PHLDB2: variants seen among roughly 807,000 people sequenced by gnomAD.
PHLDB2 encodes the protein pleckstrin homology like domain family B member 2.
A neutral mutation model predicts 123.6 loss-of-function variants in PHLDB2; 71 were observed. That is an observed-to-expected ratio of 0.57 (90% CI 0.47 to 0.70). The LOEUF is 0.70. PHLDB2 is among the 30% of genes least tolerant of loss of function. The pLI is 0.00. For missense variants in PHLDB2, 1,446 were observed against 1,519.5 expected (o/e 0.95, Z 0.80); for synonymous variants, 547 against 541.6 (o/e 1.01, Z -0.14).
intron 1 of PHLDB2, among the ~76,000 whole-genome samples, chr3:111,873,068 C>G (rs990210532): frequency 6.6e-6 from 1 of 152,186 alleles, no homozygotes; most frequent in Admixed American, 6.5e-5. Flanking sequence ...TCCCAGTCTT[C>G]TGTAACTTTC....
At chr3:111,971,261 C>T (rs2072157735) in intron 16 of PHLDB2, among the ~76,000 whole-genome samples, 1 of 152,150 alleles carries the variant, frequency 6.6e-6, no homozygotes, top group South Asian at 2.1e-4. Flanking sequence ...AAGAACTTCA[C>T]ACAAAACTGC....
At chr3:111,958,178 T>G in intron 12 of PHLDB2, 1 of 785,844 alleles carries the variant, frequency 1.3e-6, no homozygotes, top group Non-Finnish European at 1.5e-6. Flanking sequence ...TTGTCATCCT[T>G]TTTGATCTTG....
At position 111,859,594 on chromosome 3, in the gene PHLDB2, G is replaced by A; in HGVS notation, c.-15+18G>A. 1.0e-6 allele frequency: 1 copy of A among 985,536 alleles called. No homozygotes were observed. The highest frequency in any genetic ancestry group is 1.2e-6 in the Non-Finnish European group (1 of 830,014). The allele number at this position is 985,536 out of a possible 1,614,324, so 61.0% of individuals were successfully genotyped here. A position where few individuals can be genotyped will look rare whatever the true frequency, so the allele number is the denominator to read the frequency against. On this transcript the variant is annotated intron_variant, in intron 1 of 17. Coordinates refer to ENST00000431670, the MANE Select transcript of PHLDB2 (RefSeq NM_001134438.2). ...ATGGCCAGGTGAGGAGGCGGCGGTG[G>A]TCGCCCGGGAGGAGGGGGTGGTGCC...
intron 9 of PHLDB2, among the ~76,000 whole-genome samples, chr3:111,946,124 C>T (rs1165055260): frequency 1.3e-5 from 2 of 152,026 alleles, no homozygotes; most frequent in African/African-American, 4.8e-5. Context: ...TGGGTTCAAG[C>T]AATTCTCCTG....
chr3:111,824,805 G>A (rs1007834033), intron 1 of PHLDB2, among the ~76,000 whole-genome samples: 10 of 152,174 alleles, frequency 6.6e-5, no homozygotes, highest in East Asian at 1.9e-4. Flanking sequence ...TCTAACAGAC[G>A]CAAACTTCGT....
intron 4 of PHLDB2, 59 bp downstream of exon 4, chr3:111,919,274 A>C: frequency 1.3e-6 from 2 of 1,573,634 alleles, no homozygotes; most frequent in South Asian, 1.1e-5. Context: ...AAATATTGCT[A>C]CTTATTCAGG....
intron 1 of PHLDB2, among the ~76,000 whole-genome samples, chr3:111,873,429 T>G (rs1207376776): frequency 6.6e-6 from 1 of 152,182 alleles, no homozygotes; most frequent in Non-Finnish European, 1.5e-5. Context: ...TAAGTAGCAT[T>G]TCCAACTACA....
At chr3:111,820,159 G>GAATCACAGCT (rs2062304805) in intron 1 of PHLDB2, among the ~76,000 whole-genome samples, 1 of 152,120 alleles carries the variant, frequency 6.6e-6, no homozygotes, top group African/African-American at 2.4e-5. Context: ...CATTGGCAGG[G>GAATCACAGCT]GACTTGGTGG....
intron 1 of PHLDB2, among the ~76,000 whole-genome samples, chr3:111,866,654 A>G (rs2065096988): frequency 6.6e-6 from 1 of 152,188 alleles, no homozygotes; most frequent in South Asian, 2.1e-4. Flanking sequence ...GAGCATCTTT[A>G]TCTACATATG....
chr3:111,913,892 G>A (rs550458883), intron 3 of PHLDB2, 190 bp downstream of exon 3: 2 of 684,918 alleles, frequency 2.9e-6, no homozygotes, highest in South Asian at 4.3e-5. Flanking sequence ...AATTTGCACT[G>A]TAAAAATTGT....
At chr3:111,871,716 ACT>A (rs982679551) in intron 1 of PHLDB2, among the ~76,000 whole-genome samples, 1 of 152,002 alleles carries the variant, frequency 6.6e-6, no homozygotes, top group Non-Finnish European at 1.5e-5. Flanking sequence ...TTATCTTGAA[ACT>A]CTGATCCCTA....
intron 1 of PHLDB2, among the ~76,000 whole-genome samples, chr3:111,881,396 T>TA (rs900453643): frequency 6.6e-6 from 1 of 152,200 alleles, no homozygotes; most frequent in Non-Finnish European, 1.5e-5. Flanking sequence ...TCAAATGTTT[T>TA]AAAAATACTT....
intron 1 of PHLDB2, among the ~76,000 whole-genome samples, chr3:111,740,595 GGAA>G (rs769449454): frequency 2.0e-5 from 3 of 152,036 alleles, no homozygotes; most frequent in Admixed American, 6.6e-5. Context: ...TAGTCTCTTG[GGAA>G]GAAGGATAGA....
chr3:111,901,044 A>C (rs1240576634), intron 2 of PHLDB2, among the ~76,000 whole-genome samples: 1 of 152,060 alleles, frequency 6.6e-6, no homozygotes, highest in Non-Finnish European at 1.5e-5. Context: ...TCTCTACATA[A>C]AACTTTGTGA....
At chr3:111,898,198 G>GTGTA (rs2066989788) in intron 2 of PHLDB2, among the ~76,000 whole-genome samples, 1 of 151,464 alleles carries the variant, frequency 6.6e-6, no homozygotes, top group African/African-American at 2.4e-5. Flanking sequence ...GTGTGTGTGT[G>GTGTA]TGTGTGTGTC....
chr3:111,749,904 T>G (rs2059741509), intron 1 of PHLDB2, among the ~76,000 whole-genome samples: 1 of 152,248 alleles, frequency 6.6e-6, no homozygotes. Flanking sequence ...AGGTAATTTT[T>G]TTCTGGCATG....
In PHLDB2 at chr3:111,975,752, A is replaced by G. The variant is rs561009361; in HGVS notation, c.*1189A>G. ...CAAGTGCCATTTATTCTAGTTTATC[A>G]TGTTTTGCATGTTTGAAAGTATGAA... On this transcript the variant is annotated 3_prime_UTR_variant, in exon 18 of 18. Coordinates refer to ENST00000431670, the MANE Select transcript of PHLDB2 (RefSeq NM_001134438.2). The G allele has an allele frequency of 1.3e-5, 2 of 152,722 alleles. No homozygotes were observed. The highest frequency in any genetic ancestry group is 4.1e-4 in the South Asian group (2 of 4,832). 9.5% of individuals were successfully genotyped at this position (152,722 alleles called of 1,614,324 possible).
At chr3:111,898,061 T>A (rs537592327) in intron 2 of PHLDB2, among the ~76,000 whole-genome samples, 21 of 152,042 alleles carry the variant, frequency 1.4e-4, no homozygotes, top group Admixed American at 2.6e-4. Flanking sequence ...CTTCAGTGAG[T>A]TGTAATCTTT....
At chr3:111,965,315 G>A (rs962526509) in intron 13 of PHLDB2, among the ~76,000 whole-genome samples, 3 of 152,164 alleles carry the variant, frequency 2.0e-5, no homozygotes, top group Admixed American at 6.6e-5. Context: ...AGCTTATAAG[G>A]ATCCGGTATT....
Sources: gnomAD v4.1 joint callset for allele counts (sites outside exome capture counted in the v4.1 genomes callset) on GRCh38, gnomAD v4.1.1 for gene constraint, MANE v1.5 for transcripts, NCBI Gene and HGNC (gene_info 2026-07-23, HGNC 2026-07-21) for gene names.